Variants in DCAKD observed in about 807,000 individuals in gnomAD.
DCAKD encodes the protein dephospho-CoA kinase domain-containing protein.
In DCAKD, 15 loss-of-function variants were observed where a neutral mutation model predicts 18.7. The observed-to-expected ratio is 0.80, with a 90% confidence interval of 0.54 to 1.24. DCAKD has a LOEUF of 1.24. Among genes scored for constraint, DCAKD ranks in the 50% most tolerant of loss-of-function variants. DCAKD has a pLI of 0.00. For missense variants in DCAKD, 301 were observed against 322.0 expected (o/e 0.93, Z 0.50); for synonymous variants, 130 against 133.0 (o/e 0.98, Z 0.16).
intron 4 of DCAKD, among the ~76,000 whole-genome samples, chr17:45,025,721 T>G (rs1169549296): frequency 1.3e-5 from 2 of 151,152 alleles, no homozygotes; most frequent in African/African-American, 2.4e-5. Context: ...TGGAAGGGTT[T>G]GATCACTACA....
intron 3 of DCAKD, chr17:45,031,055 G>A: frequency 5.1e-6 from 5 of 985,402 alleles, no homozygotes; most frequent in Non-Finnish European, 6.0e-6. Flanking sequence ...AGAGCAAGAA[G>A]GGTAAGAGAT....
At chr17:45,034,540 A>G (rs1174228450) in intron 2 of DCAKD, 150 bp from the exon 3 acceptor site, 1 of 982,166 alleles carries the variant, frequency 1.0e-6, no homozygotes, top group Non-Finnish European at 1.5e-6. Flanking sequence ...CAGTGAAGGA[A>G]AAGAGCAGAG....
chr17:45,030,962 T>C (rs1173203187), intron 3 of DCAKD: 1 of 984,842 alleles, frequency 1.0e-6, no homozygotes, highest in East Asian at 1.1e-4. Flanking sequence ...AGCACATCCG[T>C]AGGCTGCTGT....
intron 1 of DCAKD, among the ~76,000 whole-genome samples, chr17:45,050,259 G>A (rs1483422086): frequency 6.6e-6 from 1 of 151,898 alleles, no homozygotes; most frequent in Admixed American, 6.6e-5. Context: ...GACCAGGCTG[G>A]TCTCGAACTC....
In DCAKD at chr17:45,024,325, G is replaced by A. The variant is rs2053006480; in HGVS notation, c.*108C>T. 1 of 411,544 alleles carries A rather than the reference G, an allele frequency of 2.4e-6. No individual in the cohort carries two copies. Among genetic ancestry groups the A allele is most frequent in the Admixed American group, 7.8e-5 (1 of 12,902 alleles). 25.5% of individuals were successfully genotyped at this position (411,544 alleles called of 1,614,324 possible). A position where few individuals can be genotyped will look rare whatever the true frequency, so the allele number is the denominator to read the frequency against. On this transcript the variant is annotated 3_prime_UTR_variant, in exon 5 of 5. Coordinates refer to ENST00000651974, the MANE Select transcript of DCAKD (RefSeq NM_001288655.2). ...TGTGTGTGTGTGTGTGTGTGTGTGT[G>A]TGTGTGTGTGTGTGGGGAGGGGGCT...
At chr17:45,060,654 C>T (rs1470141765) in intron 1 of DCAKD, among the ~76,000 whole-genome samples, 3 of 152,228 alleles carry the variant, frequency 2.0e-5, no homozygotes, top group Non-Finnish European at 4.4e-5. Context: ...GGCGGCGAGC[C>T]CTGCCTCCCT....
Position 45,024,438 on chromosome 17 carries a change from C to A in DCAKD, c.691G>T (p.Ala231Ser), listed in dbSNP as rs199988811. 5 of 1,600,824 alleles carry A rather than the reference C, an allele frequency of 3.1e-6. No homozygotes were observed. Among genetic ancestry groups the A allele is most frequent in the Non-Finnish European group, 3.4e-6 (4 of 1,169,510 alleles). The change falls in exon 5 of 5, where the codon GCC (alanine) becomes TCC (serine). Residue 231 changes from alanine (A) to serine (S), a missense_variant. Transcript: ENST00000651974. Reference sequence around the variant, plus strand: ...TCCCTGCCTTGAGTGCCCCACTAGGCGTAAGGCAGAAGGTAGTGGGTGAGC... The same window carrying A: ...TCCCTGCCTTGAGTGCCCCACTAGGAGTAAGGCAGAAGGTAGTGGGTGAGC... ...YLLTHYLLPY[A>S]
intron 1 of DCAKD, among the ~76,000 whole-genome samples, chr17:45,047,839 G>A (rs1471691696): frequency 1.3e-5 from 2 of 151,952 alleles, no homozygotes; most frequent in Non-Finnish European, 2.9e-5. Context: ...CAAGTAATCT[G>A]CCTGCTTTGG....
At position 45,034,964 on chromosome 17, in the gene DCAKD, G is replaced by T; in HGVS notation, c.-79C>A. On this transcript the variant is annotated 5_prime_UTR_variant, in exon 2 of 5. It introduces an in-frame stop codon into an upstream open reading frame of the 5' UTR. Transcript: ENST00000651974. ...ACTGGAGAGCAGGGCAAGTGTGGCC[G>T]ATGGGGGCGGTCCACCAGAGGAGTG... 6.8e-7 allele frequency: 1 copy of T among 1,467,998 alleles called. No homozygotes were observed. The highest frequency in any genetic ancestry group is 9.4e-7 in the Non-Finnish European group (1 of 1,063,600). The allele number at this position is 1,467,998 out of a possible 1,614,324, so 90.9% of individuals were successfully genotyped here. A position where few individuals can be genotyped will look rare whatever the true frequency, so the allele number is the denominator to read the frequency against.
At chr17:45,058,307 A>G (rs2053809089) in intron 1 of DCAKD, among the ~76,000 whole-genome samples, 1 of 152,128 alleles carries the variant, frequency 6.6e-6, no homozygotes, top group African/African-American at 2.4e-5. Context: ...AGAGCGAGAC[A>G]GTCTCAAAAA....
At chr17:45,043,863 CCT>C (rs2053498660) in intron 1 of DCAKD, among the ~76,000 whole-genome samples, 1 of 152,006 alleles carries the variant, frequency 6.6e-6, no homozygotes, top group African/African-American at 2.4e-5. Flanking sequence ...ATCCTCCTGG[CCT>C]CTCTCACACC....
chr17:45,034,974 G>A lies in DCAKD; in HGVS notation c.-89C>T. 1 of 1,383,022 alleles carries A rather than the reference G, an allele frequency of 7.2e-7. No homozygotes were observed. Among genetic ancestry groups the A allele is most frequent in the South Asian group, 1.2e-5 (1 of 80,152 alleles). 85.7% of individuals were successfully genotyped at this position (1,383,022 alleles called of 1,614,324 possible). ...AGGGCAAGTGTGGCCGATGGGGGCG[G>A]TCCACCAGAGGAGTGCCAGAAGGAC... On this transcript the variant is annotated 5_prime_UTR_variant, in exon 2 of 5. Coordinates refer to ENST00000651974, the MANE Select transcript of DCAKD (RefSeq NM_001288655.2).
intron 3 of DCAKD, chr17:45,031,272 C>T: frequency 1.0e-6 from 1 of 985,252 alleles, no homozygotes; most frequent in Non-Finnish European, 1.2e-6. Flanking sequence ...GTTTCCTGTT[C>T]CCCAAGACCT....
chr17:45,055,076 G>A (rs2053766599), upstream of DCAKD, among the ~76,000 whole-genome samples: 1 of 152,182 alleles, frequency 6.6e-6, no homozygotes, highest in South Asian at 2.1e-4. Flanking sequence ...CCTCCATAAT[G>A]AAACTTGGGC....
rs991569387 is a variant in DCAKD at position 45,024,194 on chromosome 17, G to T, written c.*239C>A. 9.3e-5 allele frequency: 48 copies of T among 517,874 alleles called. No homozygotes were observed. The highest frequency in any genetic ancestry group is 8.6e-4 in the African/African-American group (46 of 53,212). The allele number at this position is 517,874 out of a possible 1,614,324, so 32.1% of individuals were successfully genotyped here. On this transcript the variant is annotated 3_prime_UTR_variant, in exon 5 of 5. Coordinates refer to ENST00000651974, the MANE Select transcript of DCAKD (RefSeq NM_001288655.2). ...TGTAGGTGCTGCTCAGGGAAGGTGG[G>T]AAGGACAGCAGGCTATTTCTTGATC...
upstream of DCAKD, among the ~76,000 whole-genome samples, chr17:45,053,580 C>T (rs559182698): frequency 6.6e-5 from 10 of 152,310 alleles, no homozygotes; most frequent in Non-Finnish European, 1.3e-4. Flanking sequence ...TACCACCACA[C>T]TCGGCTAATT....
chr17:45,048,126 T>C (rs1252313002), intron 1 of DCAKD, among the ~76,000 whole-genome samples: 6 of 152,098 alleles, frequency 3.9e-5, no homozygotes, highest in East Asian at 1.9e-4. Context: ...CAGTATCTCA[T>C]GCATATAATC....
chr17:45,037,788 A>T (rs1381903373), intron 1 of DCAKD, among the ~76,000 whole-genome samples: 2 of 135,484 alleles, frequency 1.5e-5, no homozygotes, highest in African/African-American at 5.7e-5. Context: ...TTTTTTTGAG[A>T]CAGAGTCTCA....
At chr17:45,038,645 G>C (rs1306931836) in intron 1 of DCAKD, among the ~76,000 whole-genome samples, 1 of 152,278 alleles carries the variant, frequency 6.6e-6, no homozygotes, top group African/African-American at 2.4e-5. Flanking sequence ...GGGGCTGAGG[G>C]GGTGTGTGGA....
Sources: gnomAD v4.1 joint callset for allele counts (sites outside exome capture counted in the v4.1 genomes callset) on GRCh38, gnomAD v4.1.1 for gene constraint, MANE v1.5 for transcripts, NCBI Gene and HGNC (gene_info 2026-07-23, HGNC 2026-07-21) for gene names.